Variants in PPP3CA observed in about 807,000 individuals in gnomAD.
PPP3CA encodes the protein protein phosphatase 3 catalytic subunit alpha, also known as CAM-PRP catalytic subunit.
PPP3CA carries 14 observed loss-of-function variants against 66.5 expected under a neutral mutation model. The observed-to-expected ratio is 0.21, with a 90% CI of 0.14 to 0.33. PPP3CA has a LOEUF of 0.33. PPP3CA is among the 10% of genes least tolerant of loss of function. The pLI is 1.00. For missense variants in PPP3CA, 317 were observed against 639.5 expected (o/e 0.50, Z 5.44); for synonymous variants, 232 against 226.2 (o/e 1.03, Z -0.23).
chr4:101,047,654 C>T (rs1727826562), intron 10 of PPP3CA, among the ~76,000 whole-genome samples: 2 of 152,030 alleles, frequency 1.3e-5, no homozygotes, highest in Non-Finnish European at 2.9e-5. Context: ...CAGGATCTCT[C>T]CATGTGGCCC....
intron 8 of PPP3CA, among the ~76,000 whole-genome samples, chr4:101,069,772 C>T (rs1728833748): frequency 6.6e-6 from 1 of 152,210 alleles, no homozygotes; most frequent in Non-Finnish European, 1.5e-5. Flanking sequence ...TGATAATCCA[C>T]ATCCACTTAA....
intron 2 of PPP3CA, among the ~76,000 whole-genome samples, chr4:101,109,811 C>G (rs192511203): frequency 2.6e-4 from 39 of 152,130 alleles, no homozygotes; most frequent in Admixed American, 5.2e-4. Context: ...CTCACTTTCT[C>G]TTTTAAACCA....
chr4:101,038,042 G>A (rs1262245073), intron 11 of PPP3CA, among the ~76,000 whole-genome samples: 1 of 152,184 alleles, frequency 6.6e-6, no homozygotes, highest in Non-Finnish European at 1.5e-5. Context: ...ACAGCAAAGT[G>A]AAGTCACCAC....
intron 10 of PPP3CA, among the ~76,000 whole-genome samples, chr4:101,044,462 A>C (rs562359277): frequency 6.6e-6 from 1 of 152,246 alleles, no homozygotes; most frequent in African/African-American, 2.4e-5. Context: ...TAATGAAGAC[A>C]CATAAAATAC....
chr4:101,209,838 T>C (rs1315684318), intron 1 of PPP3CA, among the ~76,000 whole-genome samples: 25 of 152,116 alleles, frequency 1.6e-4, no homozygotes, highest in Admixed American at 1.6e-3. Flanking sequence ...TAGTGACTGA[T>C]GAACAGGTAT....
chr4:101,073,400 C>T (rs1157499641), intron 8 of PPP3CA, among the ~76,000 whole-genome samples: 1 of 151,840 alleles, frequency 6.6e-6, no homozygotes, highest in Non-Finnish European at 1.5e-5. Flanking sequence ...CCTCTGCCTC[C>T]CGAATAGTTG....
chr4:101,300,712 G>A (rs79695448), intron 1 of PPP3CA, among the ~76,000 whole-genome samples: 2,637 of 152,192 alleles, frequency 0.017, 84 homozygotes, highest in African/African-American at 0.056. Flanking sequence ...CACAAGAATC[G>A]CTCTGCCGGG....
At chr4:101,082,888 A>C (rs1729497936) in intron 7 of PPP3CA, among the ~76,000 whole-genome samples, 1 of 152,204 alleles carries the variant, frequency 6.6e-6, no homozygotes, top group Non-Finnish European at 1.5e-5. Flanking sequence ...GACAGTGTAA[A>C]TGCAACAATT....
At chr4:101,262,185 A>T (rs1727030719) in intron 1 of PPP3CA, among the ~76,000 whole-genome samples, 2 of 152,198 alleles carry the variant, frequency 1.3e-5, no homozygotes, top group South Asian at 4.1e-4. Context: ...TTTTACTAAT[A>T]ATCACTCTGC....
intron 2 of PPP3CA, among the ~76,000 whole-genome samples, chr4:101,109,800 T>A (rs754066096): frequency 7.9e-5 from 12 of 152,166 alleles, no homozygotes; most frequent in Non-Finnish European, 8.8e-5. Flanking sequence ...TTCTTAACAT[T>A]CTCACTTTCT....
At chr4:101,119,407 G>T (rs1721951363) in intron 2 of PPP3CA, among the ~76,000 whole-genome samples, 2 of 151,956 alleles carry the variant, frequency 1.3e-5, no homozygotes, top group African/African-American at 2.4e-5. Flanking sequence ...AGACCACTGT[G>T]TTCCACAGCT....
At chr4:101,168,287 G>T (rs1723757945) in intron 2 of PPP3CA, among the ~76,000 whole-genome samples, 1 of 152,144 alleles carries the variant, frequency 6.6e-6, no homozygotes, top group Non-Finnish European at 1.5e-5. Context: ...AGGCAAAGTA[G>T]GAAGAACAGA....
chr4:101,286,193 G>C (rs1727842538), intron 1 of PPP3CA, among the ~76,000 whole-genome samples: 2 of 152,224 alleles, frequency 1.3e-5, no homozygotes, highest in East Asian at 3.8e-4. Flanking sequence ...ACAGAAGGCA[G>C]AGGAGCTCAG....
Position 101,346,922 on chromosome 4 carries a change from T to A in PPP3CA, c.-126A>T. The A allele has an allele frequency of 9.0e-7, 1 of 1,110,952 alleles. No individual in the cohort carries two copies. The highest frequency in any genetic ancestry group is 1.3e-6 in the Non-Finnish European group (1 of 762,734). 68.8% of individuals were successfully genotyped at this position (1,110,952 alleles called of 1,614,324 possible). On this transcript the variant is annotated 5_prime_UTR_variant, in exon 1 of 14. Coordinates refer to ENST00000394854, the MANE Select transcript of PPP3CA (RefSeq NM_000944.5). ...GCCGCCGCGCTGCAAACCGCTCGGC[T>A]GGAGGTCTAGGCTCTGAGCTGGCTT...
In PPP3CA at chr4:101,333,270, G is replaced by GTTTTTTTTTTTTTTTTT. The variant is rs70961788; in HGVS notation, c.58+13452_58+13468dup. ...CTACAGGCATGCACTACCATGCCCA[G>GTTTTTTTTTTTTTTTTT]TTTTTTTTTTTTTTTTTTTTTTTTT... On this transcript the variant is annotated intron_variant, in intron 1 of 13. Coordinates refer to ENST00000394854, the MANE Select transcript of PPP3CA (RefSeq NM_000944.5). Among the ~76,000 whole-genome samples, 3 of 47,268 alleles carry GTTTTTTTTTTTTTTTTT rather than the reference G, an allele frequency of 6.3e-5. 1 individual carries two copies. Among genetic ancestry groups the GTTTTTTTTTTTTTTTTT allele is most frequent in the Non-Finnish European group, 1.5e-4 (3 of 20,152 alleles). The allele number at this position is 47,268 out of a possible 152,430, so 31.0% of individuals were successfully genotyped here.
At chr4:101,284,733 C>G (rs1273044703) in intron 1 of PPP3CA, among the ~76,000 whole-genome samples, 1 of 151,802 alleles carries the variant, frequency 6.6e-6, no homozygotes, top group Non-Finnish European at 1.5e-5. Flanking sequence ...TCATAGTTAC[C>G]CATATCTAAA....
intron 6 of PPP3CA, among the ~76,000 whole-genome samples, chr4:101,084,849 A>G (rs1350084376): frequency 1.3e-5 from 2 of 152,204 alleles, no homozygotes. Context: ...TTCAATAAAT[A>G]AAACATCTAA....
intron 1 of PPP3CA, among the ~76,000 whole-genome samples, chr4:101,305,733 C>T (rs1728513915): frequency 6.6e-6 from 1 of 152,128 alleles, no homozygotes; most frequent in Admixed American, 6.5e-5. Flanking sequence ...TCATTTGTCA[C>T]AATCTTCCTA....
chr4:101,080,139 C>T (rs1729369960), intron 8 of PPP3CA, among the ~76,000 whole-genome samples: 1 of 152,132 alleles, frequency 6.6e-6, no homozygotes, highest in Non-Finnish European at 1.5e-5. Context: ...TTTCAAGCTA[C>T]TGGGTTTATT....
Sources: allele counts gnomAD v4.1 joint callset (sites outside exome capture counted in the v4.1 genomes callset), GRCh38; gene constraint gnomAD v4.1.1; transcripts MANE v1.5; gene names NCBI Gene and HGNC (gene_info 2026-07-23, HGNC 2026-07-21).